CCDC7: variants seen among roughly 807,000 people sequenced by gnomAD.
CCDC7 encodes the protein coiled-coil domain containing 7, also known as coiled-coil domain-containing protein 7.
CCDC7 carries 183 observed loss-of-function variants against 196.9 expected under a neutral mutation model. That is an observed-to-expected ratio of 0.93 (90% CI 0.82 to 1.05). The LOEUF (loss-of-function observed/expected upper bound fraction) is 1.05. Ranked by LOEUF, CCDC7 falls within the 50% of genes least tolerant of loss-of-function variation. The pLI, the probability that CCDC7 is intolerant of heterozygous loss-of-function variation, is 0.00. For missense variants in CCDC7, 1,540 were observed against 1,482.2 expected (o/e 1.04, Z -0.64); for synonymous variants, 525 against 484.6 (o/e 1.08, Z -1.10).
chr10:32,778,090 G>C (rs2080406595), intron 28 of CCDC7, among the ~76,000 whole-genome samples: 1 of 152,106 alleles, frequency 6.6e-6, no homozygotes, highest in Non-Finnish European at 1.5e-5. Flanking sequence ...CTAGACCTTT[G>C]TTAGATGCAT....
At chr10:32,816,198 A>G (rs140955939) in intron 31 of CCDC7, among the ~76,000 whole-genome samples, 1,562 of 152,312 alleles carry the variant, frequency 0.01, 15 homozygotes, top group Non-Finnish European at 0.017. Context: ...TATCCTGCGC[A>G]TGGCTCGGAG....
At chr10:32,582,516 C>G (rs2058846212) in intron 16 of CCDC7, among the ~76,000 whole-genome samples, 1 of 152,032 alleles carries the variant, frequency 6.6e-6, no homozygotes, top group South Asian at 2.1e-4. Flanking sequence ...TACCCTAGTT[C>G]TGGAATCCAG....
intron 33 of CCDC7, among the ~76,000 whole-genome samples, chr10:32,836,367 A>G (rs2092599714): frequency 1.3e-5 from 2 of 152,134 alleles, no homozygotes; most frequent in Non-Finnish European, 2.9e-5. Context: ...GTAAATCAAT[A>G]TCTAGATTTT....
At chr10:32,703,943 C>G (rs1032760510) in intron 24 of CCDC7, among the ~76,000 whole-genome samples, 6 of 151,950 alleles carry the variant, frequency 3.9e-5, no homozygotes, top group Non-Finnish European at 8.8e-5. Context: ...TTTTTAACTT[C>G]TTTGCCATGG....
In CCDC7 at chr10:32,674,586, G is replaced by T. The variant is rs369141381; in HGVS notation, c.2122+10425G>T. Among the ~76,000 whole-genome samples, 38 of 152,084 alleles carry T rather than the reference G, an allele frequency of 2.5e-4. No individual in the cohort carries two copies. The East Asian group carries it at 7.0e-3, about 28-fold the overall frequency. On this transcript the variant is annotated intron_variant, in intron 21 of 41. Coordinates refer to ENST00000639629, the Ensembl canonical transcript of CCDC7. ...CTTTTGGATGGAATGTTCTTTAAAT[G>T]GCTGTTAGGTCCATTTGGTCTACAG...
Position 32,654,180 on chromosome 10 carries a change from C to T in CCDC7, c.2015-9874C>T, listed in dbSNP as rs185482919. 1.8e-4 allele frequency among the ~76,000 whole-genome samples: 28 copies of T among 152,244 alleles called. No individual in the cohort carries two copies. In the East Asian group the frequency reaches 4.8e-3, roughly 26 times the overall value. On this transcript the variant is annotated intron_variant, in intron 20 of 41. Transcript: ENST00000639629. The stretch of plus-strand genomic sequence containing the variant: ...TTTGGTTACTTCGGGAAATTTATAT[C>T]ATGCTATTGATTTTCTTTCACAGTG...
At chr10:32,736,542 C>T (rs1186480392) in intron 28 of CCDC7, among the ~76,000 whole-genome samples, 1 of 151,528 alleles carries the variant, frequency 6.6e-6, no homozygotes, top group Non-Finnish European at 1.5e-5. Flanking sequence ...CCTCCCCGCT[C>T]CCCCCACCCC....
chr10:32,528,744 ATATACAT>A (rs2135811688), intron 11 of CCDC7, among the ~76,000 whole-genome samples: 1 of 145,850 alleles, frequency 6.9e-6, no homozygotes, highest in East Asian at 2.0e-4. Flanking sequence ...ATATATGTAT[ATATACAT>A]ATATACGTAT....
chr10:32,665,223 GA>G (rs2072397292), intron 21 of CCDC7, among the ~76,000 whole-genome samples: 1 of 151,950 alleles, frequency 6.6e-6, no homozygotes, highest in Admixed American at 6.6e-5. Flanking sequence ...CTGCTTATCA[GA>G]TTTATGATTT....
At chr10:32,829,090 C>A (rs2091822181) in intron 32 of CCDC7, among the ~76,000 whole-genome samples, 1 of 152,172 alleles carries the variant, frequency 6.6e-6, no homozygotes, top group Non-Finnish European at 1.5e-5. Flanking sequence ...CAGTCTACTA[C>A]TCCACAGTGG....
At chr10:32,642,733 C>T (rs144499561) in intron 20 of CCDC7, among the ~76,000 whole-genome samples, 3 of 152,298 alleles carry the variant, frequency 2.0e-5, no homozygotes, top group East Asian at 1.9e-4. Flanking sequence ...AGAAATCATC[C>T]GTCTTCTGCG....
chr10:32,712,458 G>C (rs1191005592), intron 25 of CCDC7, among the ~76,000 whole-genome samples: 1 of 152,158 alleles, frequency 6.6e-6, no homozygotes, highest in African/African-American at 2.4e-5. Context: ...CACAGTACAT[G>C]CTGCACGTGG....
rs73257426 is a variant in CCDC7 at position 32,614,843 on chromosome 10, G to A, written c.1802-19411G>A. ...GCTGCTTTCTATTTTTCCACTCTGT[G>A]TGTCCATTGTACCTATAGTTTAGCT... is the stretch of plus-strand genomic sequence containing the variant. On this transcript the variant is annotated intron_variant, in intron 18 of 41. Coordinates refer to ENST00000639629, the Ensembl canonical transcript of CCDC7. Among the ~76,000 whole-genome samples, 1,052 of 152,250 alleles carry A rather than the reference G, an allele frequency of 6.9e-3. 15 individuals are homozygous for A. Among genetic ancestry groups the A allele is most frequent in the African/African-American group, 0.024 (1,011 of 41,536 alleles).
chr10:32,576,409 C>A (rs949460404), intron 16 of CCDC7, among the ~76,000 whole-genome samples: 1 of 151,910 alleles, frequency 6.6e-6, no homozygotes. Context: ...TAAGAGGGGC[C>A]CTTGCTTGGT....
intron 28 of CCDC7, among the ~76,000 whole-genome samples, chr10:32,750,398 G>C (rs997306983): frequency 7.9e-5 from 12 of 152,070 alleles, no homozygotes; most frequent in Admixed American, 7.9e-4. Context: ...TAATAATCTC[G>C]AGGCAGAAAA....
chr10:32,738,360 A>T (rs1025053078), intron 28 of CCDC7, among the ~76,000 whole-genome samples: 4 of 151,334 alleles, frequency 2.6e-5, no homozygotes, highest in Non-Finnish European at 2.9e-5. Context: ...CCTGTCATTT[A>T]TTTCACTTAT....
intron 24 of CCDC7, among the ~76,000 whole-genome samples, chr10:32,711,336 G>A (rs981998683): frequency 6.6e-6 from 1 of 151,912 alleles, no homozygotes; most frequent in Non-Finnish European, 1.5e-5. Flanking sequence ...TCATTGTTTG[G>A]TCTATGATTA....
chr10:32,800,016 G>A (rs1395657506), intron 29 of CCDC7, among the ~76,000 whole-genome samples: 1 of 152,210 alleles, frequency 6.6e-6, no homozygotes, highest in Non-Finnish European at 1.5e-5. Flanking sequence ...CACATACCAG[G>A]TATCAGGAGA....
chr10:32,837,921 G>A (rs2092731380), intron 33 of CCDC7, among the ~76,000 whole-genome samples: 1 of 124,514 alleles, frequency 8.0e-6, no homozygotes, highest in African/African-American at 2.9e-5. Flanking sequence ...ACCGGGGCTT[G>A]TTGTGGGGTC....
Sources: gnomAD v4.1 joint callset for allele counts (sites outside exome capture counted in the v4.1 genomes callset) on GRCh38, gnomAD v4.1.1 for gene constraint, MANE v1.5 for transcripts, NCBI Gene and HGNC (gene_info 2026-07-23, HGNC 2026-07-21) for gene names.